DDAH1: variants seen among roughly 807,000 people sequenced by gnomAD.
DDAH1 encodes dimethylarginine dimethylaminohydrolase 1.
DDAH1 carries 19 observed loss-of-function variants against 28.8 expected under a neutral mutation model. The ratio of observed to expected loss-of-function variants is 0.66; its 90% confidence interval spans 0.46 to 0.97. The LOEUF (loss-of-function observed/expected upper bound fraction) is 0.97, where lower values mean the gene tolerates loss of function less well. Ranked by LOEUF, DDAH1 falls within the 50% of genes least tolerant of loss-of-function variation. The pLI, the probability that DDAH1 is intolerant of heterozygous loss-of-function variation, is 0.00. For missense variants in DDAH1, 326 were observed against 375.9 expected (o/e 0.87, Z 1.10); for synonymous variants, 153 against 154.4 (o/e 0.99, Z 0.07).
chr1:85,445,938 T>C (rs995416372), intron 1 of DDAH1, among the ~76,000 whole-genome samples: 3 of 152,132 alleles, frequency 2.0e-5, no homozygotes, highest in African/African-American at 7.2e-5. Flanking sequence ...GCAATCCCAA[T>C]AGTTAAATGC....
At chr1:85,431,199 G>GCAGT (rs989436170) in intron 1 of DDAH1, among the ~76,000 whole-genome samples, 1 of 152,186 alleles carries the variant, frequency 6.6e-6, no homozygotes, top group African/African-American at 2.4e-5. Context: ...TATGTTTACT[G>GCAGT]ATTTGTGTAT....
intron 4 of DDAH1, among the ~76,000 whole-genome samples, chr1:85,330,212 A>G (rs1011006011): frequency 7.2e-5 from 11 of 152,138 alleles, no homozygotes; most frequent in African/African-American, 2.7e-4. Flanking sequence ...CCTAATGGGC[A>G]CTGTGAGGAT....
chr1:85,483,973 G>C (rs909191982), intron 2 of DDAH1, among the ~76,000 whole-genome samples: 5 of 152,156 alleles, frequency 3.3e-5, no homozygotes, highest in Non-Finnish European at 7.4e-5. Context: ...AAGGGGCTGG[G>C]GTTGTTTTAA....
intron 3 of DDAH1, among the ~76,000 whole-genome samples, chr1:85,350,855 C>CG (rs1649160357): frequency 6.6e-6 from 1 of 151,934 alleles, no homozygotes; most frequent in Non-Finnish European, 1.5e-5. Context: ...TCATGGGGAA[C>CG]GGAGCATCTT....
Position 85,512,900 on chromosome 1 carries a change from A to G in DDAH1, c.-122-16619T>C, listed in dbSNP as rs565560183. Among the ~76,000 whole-genome samples the G allele has an allele frequency of 3.2e-3, 485 of 152,302 alleles. 2 individuals are homozygous for G. Among genetic ancestry groups the G allele is most frequent in the African/African-American group, 0.011 (455 of 41,564 alleles). ...TCCATGATCATGGATAGGAAGAATC[A>G]ATATTGTGAAAATGGCCATACAGCC... On this transcript the variant is annotated intron_variant, in intron 1 of 6. Transcript: ENST00000426972.
At chr1:85,394,711 T>C (rs530660053) in intron 1 of DDAH1, among the ~76,000 whole-genome samples, 64 of 152,320 alleles carry the variant, frequency 4.2e-4, no homozygotes, top group Middle Eastern at 3.4e-3. Flanking sequence ...TAACGACCAA[T>C]TGAAGCATAA....
intron 2 of DDAH1, among the ~76,000 whole-genome samples, chr1:85,354,754 A>G (rs1373159043): frequency 6.6e-6 from 1 of 152,120 alleles, no homozygotes; most frequent in African/African-American, 2.4e-5. Flanking sequence ...TGATAACAAA[A>G]ATATCCACAT....
chr1:85,381,472 T>C (rs989037926), intron 1 of DDAH1, among the ~76,000 whole-genome samples: 4 of 151,956 alleles, frequency 2.6e-5, no homozygotes, highest in African/African-American at 4.8e-5. Context: ...ACCCAATGTG[T>C]AGTCTTTTAT....
chr1:85,322,818 C>A (rs1463249085), intron 5 of DDAH1, among the ~76,000 whole-genome samples: 2 of 152,098 alleles, frequency 1.3e-5, no homozygotes, highest in East Asian at 1.9e-4. Context: ...ACGGCTGAAT[C>A]AGGGGGGCAG....
intron 1 of DDAH1, chr1:85,404,585 G>A: frequency 3.8e-6 from 5 of 1,317,192 alleles, no homozygotes; most frequent in Admixed American, 3.3e-5. Flanking sequence ...AGACTCTTGT[G>A]GGAATACAGA....
At chr1:85,333,726 A>G (rs1228477157) in intron 4 of DDAH1, among the ~76,000 whole-genome samples, 1 of 151,570 alleles carries the variant, frequency 6.6e-6, no homozygotes, top group Non-Finnish European at 1.5e-5. Flanking sequence ...CTAAATCAAG[A>G]AGAATTTCAG....
At chr1:85,575,662 A>G (rs1236362788) in intron 1 of DDAH1, among the ~76,000 whole-genome samples, 1 of 152,204 alleles carries the variant, frequency 6.6e-6, no homozygotes, top group Non-Finnish European at 1.5e-5. Flanking sequence ...GTAAGCTGTG[A>G]TAGAGTTAAA....
intron 1 of DDAH1, among the ~76,000 whole-genome samples, chr1:85,463,041 C>G (rs991840738): frequency 4.6e-5 from 7 of 152,134 alleles, no homozygotes; most frequent in Admixed American, 1.3e-4. Flanking sequence ...TGTATAGATG[C>G]GAAAACTGAG....
At chr1:85,506,170 G>A (rs1005310705) in intron 1 of DDAH1, among the ~76,000 whole-genome samples, 1 of 152,124 alleles carries the variant, frequency 6.6e-6, no homozygotes, top group Admixed American at 6.5e-5. Flanking sequence ...CAGTCTGCCC[G>A]GGCCTGACAG....
chr1:85,544,270 G>T (rs1658553563), intron 1 of DDAH1, among the ~76,000 whole-genome samples: 1 of 152,190 alleles, frequency 6.6e-6, no homozygotes, highest in African/African-American at 2.4e-5. Context: ...AAGAGCTGAG[G>T]TTAATGCAGC....
chr1:85,446,856 TCTTCCTGATGTACAC>T (rs1654450924), intron 1 of DDAH1, among the ~76,000 whole-genome samples: 3 of 152,164 alleles, frequency 2.0e-5, no homozygotes, highest in Non-Finnish European at 4.4e-5. Context: ...TTGCCCCTTT[TCTTCCTGATGTACAC>T]TATTCCTGCA....
intron 1 of DDAH1, among the ~76,000 whole-genome samples, chr1:85,570,364 T>TCTCACACA (rs1553149612): frequency 2.1e-5 from 3 of 145,468 alleles, no homozygotes; most frequent in East Asian, 4.1e-4. Flanking sequence ...ACACACACTG[T>TCTCACACA]CACACACACA....
chr1:85,330,560 C>G (rs1050908683), intron 4 of DDAH1, among the ~76,000 whole-genome samples: 6 of 152,178 alleles, frequency 3.9e-5, no homozygotes, highest in African/African-American at 1.4e-4. Context: ...CACGTCACCA[C>G]AAATTCCTTT....
chr1:85,480,053 A>T (rs1655956844), intron 2 of DDAH1, among the ~76,000 whole-genome samples: 2 of 152,226 alleles, frequency 1.3e-5, no homozygotes, highest in African/African-American at 4.8e-5. Flanking sequence ...ACAAGTGACA[A>T]AACAGCTCCT....
Sources: gnomAD v4.1 joint callset for allele counts (sites outside exome capture counted in the v4.1 genomes callset) on GRCh38, gnomAD v4.1.1 for gene constraint, MANE v1.5 for transcripts, NCBI Gene and HGNC (gene_info 2026-07-23, HGNC 2026-07-21) for gene names.